The following SOD2 variants were observed in gnomAD, a reference collection of about 807,000 sequenced individuals.
SOD2 encodes the protein superoxide dismutase 2.
In SOD2, 11 loss-of-function variants were observed where a neutral mutation model predicts 27.0. That is an observed-to-expected ratio of 0.41 (90% CI 0.26 to 0.67). The LOEUF (loss-of-function observed/expected upper bound fraction) is 0.67, where lower values mean the gene tolerates loss of function less well. SOD2 is among the 30% of genes least tolerant of loss of function. The pLI is 0.34. For synonymous variants in SOD2, 105 were observed against 103.0 expected (o/e 1.02, Z -0.12); for missense variants, 250 against 274.5 (o/e 0.91, Z 0.63).
chr6:159,733,603 CAG>C (rs566117507), intron 1 of SOD2, among the ~76,000 whole-genome samples: 64 of 148,854 alleles, frequency 4.3e-4, no homozygotes, highest in Middle Eastern at 6.9e-3. Flanking sequence ...GTCTAGGTGA[CAG>C]AGCGAGACTG....
At chr6:159,752,544 G>C (rs1004943945) in intron 1 of SOD2, among the ~76,000 whole-genome samples, 7 of 152,112 alleles carry the variant, frequency 4.6e-5, no homozygotes, top group African/African-American at 1.7e-4. Context: ...ATAATCTGTG[G>C]AAAGTGTGAC....
chr6:159,731,976 G>A (rs756042754), upstream of SOD2, among the ~76,000 whole-genome samples: 1 of 152,102 alleles, frequency 6.6e-6, no homozygotes, highest in Non-Finnish European at 1.5e-5. Context: ...TCTTTAAGAA[G>A]AGAGTAAGCA....
At position 159,692,828 on chromosome 6, in the gene SOD2, A is replaced by G. The variant is rs373689189; in HGVS notation, c.59T>C (p.Leu20Pro). ...SRQLAPVLGY[L>P]GSRQKHSLPD... is the part of the protein sequence containing the mutation. ...GAGGCTGTGCTTCTGCCTGGAGCCC[A>G]GATACCCCAAAACCGGAGCCAGCTG... is the stretch of plus-strand genomic sequence containing the variant. The change falls in exon 2 of 5, where the codon CTG becomes CCG. Residue 20 changes from leucine to proline, a missense_variant. By Grantham distance (98) the Leu-to-Pro change is moderately conservative. Transcript: ENST00000538183. The G allele has an allele frequency of 1.4e-4, 230 of 1,613,302 alleles. No homozygotes were observed. The highest frequency in any genetic ancestry group is 1.9e-4 in the Non-Finnish European group (223 of 1,179,850).
intron 1 of SOD2, among the ~76,000 whole-genome samples, chr6:159,735,459 A>C (rs146413725): frequency 6.6e-6 from 1 of 152,192 alleles, no homozygotes; most frequent in East Asian, 1.9e-4. Flanking sequence ...ATATTTTAAA[A>C]TATGTAATAG....
exon 1 of SOD2, chr6:159,727,340 G>T (rs1157503250): frequency 1.6e-6 from 2 of 1,270,580 alleles, no homozygotes; most frequent in Non-Finnish European, 2.0e-6. Context: ...TCCTGTGAGT[G>T]GGCCAGAAGG....
At position 159,676,519 on chromosome 6, in the gene SOD2, TTC is replaced by T. The variant is rs1470149531; in HGVS notation, c.*5972_*5973del. ...AGGACAAAAAAACAAACACCGCATG[TTC>T]TCACTCATAGATGGGAATTGAACAA... On this transcript the variant is annotated 3_prime_UTR_variant, in exon 5 of 5. Transcript: ENST00000538183. The T allele has an allele frequency of 1.8e-4, 28 of 152,168 alleles. No individual in the cohort carries two copies. Among genetic ancestry groups the T allele is most frequent in the African/African-American group, 6.7e-4 (28 of 41,486 alleles). The allele number at this position is 152,168 out of a possible 1,614,324, so 9.4% of individuals were successfully genotyped here. A position where few individuals can be genotyped will look rare whatever the true frequency, so the allele number is the denominator to read the frequency against.
chr6:159,689,191 A>G (rs1332255104), intron 2 of SOD2, among the ~76,000 whole-genome samples: 2 of 152,136 alleles, frequency 1.3e-5, no homozygotes, highest in Non-Finnish European at 2.9e-5. Flanking sequence ...ACCAACTTGG[A>G]TGTTCCCCTC....
chr6:159,757,525 G>A (rs1780041070), intron 1 of SOD2, among the ~76,000 whole-genome samples: 1 of 150,826 alleles, frequency 6.6e-6, no homozygotes, highest in South Asian at 2.1e-4. Context: ...TAATTCTCCT[G>A]CCTCAGACTC....
At chr6:159,735,705 C>T (rs866261218) in intron 1 of SOD2, among the ~76,000 whole-genome samples, 8 of 151,866 alleles carry the variant, frequency 5.3e-5, no homozygotes, top group African/African-American at 9.7e-5. Flanking sequence ...CCTGAGATCG[C>T]GCCACTGCAC....
At chr6:159,762,058 C>T (rs1035955043) in exon 1 of SOD2, 8 of 1,610,854 alleles carry the variant, frequency 5.0e-6, no homozygotes, top group Non-Finnish European at 6.8e-6. Flanking sequence ...TTGCAGGCAG[C>T]GCAGGGCAGA....
upstream of SOD2, among the ~76,000 whole-genome samples, chr6:159,696,537 C>T (rs991146018): frequency 3.9e-5 from 6 of 151,988 alleles, no homozygotes; most frequent in African/African-American, 1.4e-4. Flanking sequence ...CCAGGCTGGT[C>T]TCGAACTCCT....
chr6:159,738,487 A>T lies in SOD2; in HGVS notation c.-116+6643T>A, dbSNP rs117448071. 6.7e-3 allele frequency among the ~76,000 whole-genome samples: 1,015 copies of T among 152,302 alleles called. 6 individuals are homozygous for T. Among genetic ancestry groups the T allele is most frequent in the South Asian group, 0.015 (72 of 4,828 alleles). On this transcript the variant is annotated intron_variant, in intron 1 of 3. Transcript: ENST00000537657. ...ATGATAGTTCAATCATTTGCCTGTTAAAGGACATTTGGATAGTTTTCAGTT... is the reference window on the plus strand; with the variant it reads ...ATGATAGTTCAATCATTTGCCTGTTTAAGGACATTTGGATAGTTTTCAGTT...
chr6:159,747,915 A>G (rs1002387606), upstream of SOD2, among the ~76,000 whole-genome samples: 4 of 152,210 alleles, frequency 2.6e-5, no homozygotes, highest in Non-Finnish European at 5.9e-5. Context: ...TAATTGACAA[A>G]TAAGTTTTTT....
intron 1 of SOD2, among the ~76,000 whole-genome samples, chr6:159,721,425 A>G (rs1778038512): frequency 6.6e-6 from 1 of 150,898 alleles, no homozygotes. Context: ...CTGGAGTGCA[A>G]TGGTGCGATC....
intron 1 of SOD2, among the ~76,000 whole-genome samples, chr6:159,719,235 A>G (rs1459750387): frequency 6.6e-6 from 1 of 152,124 alleles, no homozygotes; most frequent in African/African-American, 2.4e-5. Context: ...ATAAGAGATA[A>G]GAGAAGTCGG....
rs116383838 is a variant in SOD2, at chr6:159,751,256, T to C, written c.-335-2580A>G. 6.0e-3 allele frequency among the ~76,000 whole-genome samples: 910 copies of C among 152,368 alleles called. 9 individuals are homozygous for C. The highest frequency in any genetic ancestry group is 0.021 in the African/African-American group (881 of 41,594). On this transcript the variant is annotated intron_variant, in intron 1 of 7. Coordinates refer to the SOD2 transcript ENST00000546087. Reference sequence around the variant, plus strand: ...TTAGACATTTATTTATTAAAAGGTATGACTTTTTAAACGAAACCTTTTTTG... The same window carrying C: ...TTAGACATTTATTTATTAAAAGGTACGACTTTTTAAACGAAACCTTTTTTG...
At chr6:159,688,027 A>G in intron 3 of SOD2, 99 bp downstream of exon 3, 1 of 749,520 alleles carries the variant, frequency 1.3e-6, no homozygotes, top group Non-Finnish European at 2.3e-6. Context: ...AAACAACAAC[A>G]AAAAAAACAA....
intron 1 of SOD2, among the ~76,000 whole-genome samples, chr6:159,739,460 G>A (rs917055785): frequency 6.6e-6 from 1 of 152,170 alleles, no homozygotes; most frequent in African/African-American, 2.4e-5. Context: ...AGTTGAAGAG[G>A]TTGGGTTAAG....
At chr6:159,713,784 C>A (rs572038742) in intron 1 of SOD2, 1 of 971,308 alleles carries the variant, frequency 1.0e-6, no homozygotes, top group Admixed American at 1.7e-5. Flanking sequence ...GTCTTTAAAG[C>A]CAATTTCGCT....
Sources: allele counts gnomAD v4.1 joint callset (sites outside exome capture counted in the v4.1 genomes callset), GRCh38; gene constraint gnomAD v4.1.1; transcripts MANE v1.5; gene names NCBI Gene and HGNC (gene_info 2026-07-23, HGNC 2026-07-21).